SPON1: variants seen among roughly 807,000 people sequenced by gnomAD.
The protein encoded by SPON1 is spondin-1.
In SPON1, 52 loss-of-function variants were observed where a neutral mutation model predicts 111.7. The observed-to-expected ratio is 0.47, with a 90% confidence interval of 0.37 to 0.59. SPON1 has a LOEUF of 0.59. SPON1 is among the 20% of genes least tolerant of loss of function. The pLI, the probability that SPON1 is intolerant of heterozygous loss-of-function variation, is 0.00. For synonymous variants in SPON1, 410 were observed against 395.8 expected (o/e 1.04, Z -0.43); for missense variants, 957 against 1,068.5 (o/e 0.90, Z 1.46).
intron 2 of SPON1, among the ~76,000 whole-genome samples, chr11:14,037,901 G>A (rs1848606099): frequency 6.6e-6 from 1 of 152,204 alleles, no homozygotes; most frequent in South Asian, 2.1e-4. Flanking sequence ...GCCAGGCGCG[G>A]TGGGTCTTAA....
rs1441121869 is a variant in SPON1, at chr11:14,259,807, A to G, written c.1831+106A>G. On this transcript the variant is annotated intron_variant, in intron 13 of 15. Coordinates refer to ENST00000576479, the MANE Select transcript of SPON1 (RefSeq NM_006108.4). The surrounding 1 kb of genome is among the most constrained non-coding windows in gnomAD (Gnocchi z 5.0). ...AAAGGTCGGAGGCTGAGCAGAGGAAAGCATGGCCCATGGTCCTTGCTGGGC... is the reference window on the plus strand; with the variant it reads ...AAAGGTCGGAGGCTGAGCAGAGGAAGGCATGGCCCATGGTCCTTGCTGGGC... 3.1e-6 allele frequency: 4 copies of G among 1,288,324 alleles called. No homozygotes were observed. Among genetic ancestry groups the G allele is most frequent in the Non-Finnish European group, 4.3e-6 (4 of 937,504 alleles). 79.8% of individuals were successfully genotyped at this position (1,288,324 alleles called of 1,614,324 possible). A position where few individuals can be genotyped will look rare whatever the true frequency, so the allele number is the denominator to read the frequency against.
chr11:13,971,135 G>A (rs1253545370), intron 1 of SPON1, among the ~76,000 whole-genome samples: 1 of 152,216 alleles, frequency 6.6e-6, no homozygotes, highest in African/African-American at 2.4e-5. Context: ...AGGAGGCAAG[G>A]AGCTCCAGGT....
chr11:14,061,356 C>T (rs1465467430), intron 3 of SPON1, among the ~76,000 whole-genome samples: 2 of 152,188 alleles, frequency 1.3e-5, no homozygotes, highest in Non-Finnish European at 2.9e-5. Flanking sequence ...ATCTGTCATT[C>T]TATGTATCTA....
chr11:14,150,470 C>T (rs1554929810), intron 6 of SPON1, among the ~76,000 whole-genome samples: 1 of 151,888 alleles, frequency 6.6e-6, no homozygotes, highest in African/African-American at 2.4e-5. Context: ...TGAATGTTCT[C>T]AACGCAAAGA....
At chr11:14,187,078 C>G (rs1848293238) in intron 6 of SPON1, among the ~76,000 whole-genome samples, 1 of 152,176 alleles carries the variant, frequency 6.6e-6, no homozygotes, top group Admixed American at 6.5e-5. Flanking sequence ...TCTCAGGAAG[C>G]TTTTACTCAT....
intron 3 of SPON1, among the ~76,000 whole-genome samples, chr11:14,057,831 C>CAAAAAAAAAAAAAAAAAAAA (rs782306609): frequency 8.2e-4 from 82 of 100,266 alleles, no homozygotes; most frequent in Middle Eastern, 5.4e-3. Flanking sequence ...CTTGTCTCTA[C>CAAAAAAAAAAAAAAAAAAAA]AAAAAAAAAA....
rs1287325735 is a variant in SPON1, at chr11:14,041,530, G to A, written c.355G>A (p.Glu119Lys). Residue 119 changes from glutamate (E) to lysine (K), a missense_variant, in exon 3 of 16, where the codon GAA becomes AAA. Physicochemically the swap from Glu to Lys is moderately conservative, Grantham distance 56. This residue lies in a region of SPON1 where 262 missense variants were observed against 253.9 expected (regional missense o/e 1.03). Transcript: ENST00000576479. ...CACTGGTTTTCCGTAGATCATAGAC[G>A]AAGAAGAAACTCAGTTTATGAGCAA... ...DHAGTFQIID[E>K]EETQFMSNCP... The A allele has an allele frequency of 1.9e-6, 3 of 1,613,690 alleles. No individual in the cohort carries two copies. Among genetic ancestry groups the A allele is most frequent in the Non-Finnish European group, 2.5e-6 (3 of 1,179,796 alleles).
At chr11:14,034,725 G>GCTCCAGACAGATCAC (rs1848581847) in intron 2 of SPON1, among the ~76,000 whole-genome samples, 1 of 152,114 alleles carries the variant, frequency 6.6e-6, no homozygotes. Context: ...ACAACCCTGG[G>GCTCCAGACAGATCAC]TCTGAATCCA....
chr11:14,142,306 T>A (rs1847665764), intron 6 of SPON1, among the ~76,000 whole-genome samples: 1 of 152,190 alleles, frequency 6.6e-6, no homozygotes. Flanking sequence ...GAAAATTTAA[T>A]GTTCAAGTTC....
At chr11:14,144,607 G>T (rs1047859108) in intron 6 of SPON1, among the ~76,000 whole-genome samples, 1 of 149,118 alleles carries the variant, frequency 6.7e-6, no homozygotes. Flanking sequence ...TCTAGCCTGG[G>T]TGACCGAGTG....
intron 2 of SPON1, among the ~76,000 whole-genome samples, chr11:14,041,169 T>A (rs1260529983): frequency 6.6e-6 from 1 of 152,226 alleles, no homozygotes; most frequent in Non-Finnish European, 1.5e-5. Flanking sequence ...CTATGCAGTG[T>A]TTGATTTGGA....
intron 4 of SPON1, among the ~76,000 whole-genome samples, chr11:14,076,566 A>T (rs1271382960): frequency 6.6e-6 from 1 of 152,208 alleles, no homozygotes; most frequent in East Asian, 1.9e-4. Flanking sequence ...AAAAAATTTA[A>T]ATAGCTTTCT....
At chr11:14,079,771 T>C in intron 4 of SPON1, 128 bp from the exon 5 acceptor site, 1 of 952,996 alleles carries the variant, frequency 1.0e-6, no homozygotes, top group Non-Finnish European at 1.6e-6. Context: ...TGGCTCTAAG[T>C]CTTATTAACT....
At chr11:13,970,421 A>C (rs1848053701) in intron 1 of SPON1, among the ~76,000 whole-genome samples, 1 of 152,182 alleles carries the variant, frequency 6.6e-6, no homozygotes, top group Admixed American at 6.5e-5. Context: ...CCCTCTCTAC[A>C]GTTGTGGTTG....
At chr11:14,007,179 A>C (rs753755694) in intron 2 of SPON1, among the ~76,000 whole-genome samples, 1 of 152,172 alleles carries the variant, frequency 6.6e-6, no homozygotes, top group Non-Finnish European at 1.5e-5. Flanking sequence ...TGTGCAGTTC[A>C]CCATAGGGTT....
chr11:14,146,219 G>A (rs1397989684), intron 6 of SPON1, among the ~76,000 whole-genome samples: 1 of 146,756 alleles, frequency 6.8e-6, no homozygotes, highest in African/African-American at 2.5e-5. Flanking sequence ...GCACCGTGTT[G>A]GCTCACTGCA....
At chr11:13,963,628 C>A (rs1388708032) in intron 1 of SPON1, among the ~76,000 whole-genome samples, 1 of 152,178 alleles carries the variant, frequency 6.6e-6, no homozygotes, top group East Asian at 1.9e-4. Context: ...GCGGGACAGC[C>A]ACTCCGGCTT....
chr11:14,157,446 T>A (rs1167051955), intron 6 of SPON1, among the ~76,000 whole-genome samples: 3 of 152,164 alleles, frequency 2.0e-5, no homozygotes, highest in Non-Finnish European at 4.4e-5. Flanking sequence ...TCTTTTTACA[T>A]AGCTGCTTTT....
In SPON1 at chr11:14,254,691, C is replaced by G; in HGVS notation, c.1054C>G (p.Pro352Ala). The G allele has an allele frequency of 6.2e-7, 1 of 1,613,926 alleles. No homozygotes were observed. Among genetic ancestry groups the G allele is most frequent in the East Asian group, 2.2e-5 (1 of 44,874 alleles). Residue 352 changes from proline (P) to alanine (A), a missense_variant, in exon 8 of 16, where the codon CCC becomes GCC. Transcript: ENST00000576479. Reference protein sequence around the residue: ...WVQKVVQDLIPWDAGTDSGVT... With the variant: ...WVQKVVQDLIAWDAGTDSGVT... ...CCAGAAGGTGGTGCAAGACCTGATT[C>G]CCTGGGACGCTGGCACCGACAGCGG...
Sources: gnomAD v4.1 joint callset for allele counts (sites outside exome capture counted in the v4.1 genomes callset) on GRCh38, gnomAD v4.1.1 for gene constraint, gnomAD v4.1.1 regional missense constraint, Gnocchi (gnomAD v3.1) non-coding constraint, MANE v1.5 for transcripts, NCBI Gene and HGNC (gene_info 2026-07-23, HGNC 2026-07-21) for gene names.